SIPA1L1: variants seen among roughly 807,000 people sequenced by gnomAD.
SIPA1L1 encodes signal-induced proliferation-associated 1-like protein 1.
In SIPA1L1, 26 loss-of-function variants were observed where a neutral mutation model predicts 162.7. The ratio of observed to expected loss-of-function variants is 0.16; its 90% CI spans 0.12 to 0.22. The LOEUF is 0.22. SIPA1L1 is among the 10% of genes least tolerant of loss of function. SIPA1L1 has a pLI of 1.00. For missense variants in SIPA1L1, 1,874 were observed against 2,241.0 expected (o/e 0.84, Z 3.31); for synonymous variants, 829 against 837.4 (o/e 0.99, Z 0.17).
intron 2 of SIPA1L1, among the ~76,000 whole-genome samples, chr14:71,422,284 CTTTTA>C (rs1215282527): frequency 6.6e-6 from 1 of 152,100 alleles, no homozygotes; most frequent in Non-Finnish European, 1.5e-5. Flanking sequence ...GTTATTTTAA[CTTTTA>C]TTTGTTGTTG....
intron 22 of SIPA1L1, 199 bp downstream of exon 22, chr14:71,735,590 A>G: frequency 2.0e-6 from 1 of 506,252 alleles, no homozygotes; most frequent in Non-Finnish European, 3.5e-6. Flanking sequence ...GATGACTTAT[A>G]CGGCCATAAT....
At chr14:71,359,579 TTGAA>T (rs1243450060) in intron 2 of SIPA1L1, among the ~76,000 whole-genome samples, 2 of 152,320 alleles carry the variant, frequency 1.3e-5, no homozygotes, top group East Asian at 3.9e-4. Flanking sequence ...AATAAATGTG[TTGAA>T]TGAATGAACT....
chr14:71,331,388 A>G (rs1226429422), intron 2 of SIPA1L1, among the ~76,000 whole-genome samples: 2 of 152,258 alleles, frequency 1.3e-5, no homozygotes, highest in African/African-American at 4.8e-5. Flanking sequence ...AAACAATTCA[A>G]AGAATTTTTC....
chr14:71,718,216 C>G (rs1262726367), intron 17 of SIPA1L1, among the ~76,000 whole-genome samples: 1 of 152,118 alleles, frequency 6.6e-6, no homozygotes, highest in Non-Finnish European at 1.5e-5. Context: ...GCTCACAGGC[C>G]CACTGAATTA....
chr14:71,536,161 C>T (rs960826734), intron 4 of SIPA1L1, among the ~76,000 whole-genome samples: 1 of 150,146 alleles, frequency 6.7e-6, no homozygotes, highest in Admixed American at 6.6e-5. Context: ...CAAATCATTA[C>T]ACTACAAAGG....
At chr14:71,717,165 TG>T (rs2083332183) in intron 17 of SIPA1L1, among the ~76,000 whole-genome samples, 3 of 152,222 alleles carry the variant, frequency 2.0e-5, no homozygotes, top group African/African-American at 7.2e-5. Flanking sequence ...CCCAAAGTGC[TG>T]GGATTACAGG....
chr14:71,370,086 T>C (rs2038735235), intron 2 of SIPA1L1, among the ~76,000 whole-genome samples: 1 of 137,130 alleles, frequency 7.3e-6, no homozygotes, highest in African/African-American at 2.7e-5. Context: ...GTTTTCTAGA[T>C]AAACAATCAT....
intron 2 of SIPA1L1, among the ~76,000 whole-genome samples, chr14:71,504,520 T>TA (rs1356802292): frequency 6.6e-6 from 1 of 152,154 alleles, no homozygotes; most frequent in East Asian, 1.9e-4. Flanking sequence ...GACCAAAAGA[T>TA]ACCATATTTT....
At chr14:71,730,323 G>A in intron 20 of SIPA1L1, 22 bp downstream of exon 20, 1 of 1,611,902 alleles carries the variant, frequency 6.2e-7, no homozygotes, top group Non-Finnish European at 8.5e-7. Flanking sequence ...TTCAGCTGCA[G>A]CCTGGATGGC....
intron 12 of SIPA1L1, among the ~76,000 whole-genome samples, chr14:71,674,871 T>A (rs1371865311): frequency 1.3e-5 from 2 of 152,060 alleles, no homozygotes; most frequent in Non-Finnish European, 2.9e-5. Flanking sequence ...GCCGCATTCC[T>A]GTTTTAAAAG....
intron 10 of SIPA1L1, among the ~76,000 whole-genome samples, chr14:71,663,850 A>C (rs2043758221): frequency 6.6e-6 from 1 of 152,238 alleles, no homozygotes. Flanking sequence ...TTGAAGGCCC[A>C]ACACACAGCT....
At chr14:71,548,124 A>AT (rs2055418226) in intron 4 of SIPA1L1, among the ~76,000 whole-genome samples, 1 of 152,248 alleles carries the variant, frequency 6.6e-6, no homozygotes, top group Non-Finnish European at 1.5e-5. Flanking sequence ...TATGTGAGGC[A>AT]TTGTTTAGTG....
chr14:71,367,524 G>A (rs1218223718), intron 2 of SIPA1L1, among the ~76,000 whole-genome samples: 1 of 151,064 alleles, frequency 6.6e-6, no homozygotes, highest in Non-Finnish European at 1.5e-5. Context: ...TAGCCAGGAT[G>A]GTCTCGATCT....
intron 2 of SIPA1L1, among the ~76,000 whole-genome samples, chr14:71,494,887 C>T (rs533352002): frequency 5.9e-5 from 9 of 152,234 alleles, no homozygotes; most frequent in African/African-American, 2.2e-4. Flanking sequence ...GATCCACCTG[C>T]CTTGGCCTTC....
intron 5 of SIPA1L1, among the ~76,000 whole-genome samples, chr14:71,599,184 C>A (rs1051990658): frequency 5.8e-5 from 7 of 120,270 alleles, no homozygotes; most frequent in Admixed American, 4.1e-4. Flanking sequence ...GAGTTTTGCA[C>A]TTGTCTCCCA....
At position 71,700,990 on chromosome 14, in the gene SIPA1L1, G is replaced by A. The variant is rs139857094; in HGVS notation, c.3522-1391G>A. On this transcript the variant is annotated intron_variant, in intron 14 of 23. Transcript: ENST00000381232. Reference sequence around the variant, plus strand: ...AGCCTAGGGGACAGAGCAAGACTCCGTCTCAAAAAAAAAAAAAAAAAAAAA... The same window carrying A: ...AGCCTAGGGGACAGAGCAAGACTCCATCTCAAAAAAAAAAAAAAAAAAAAA... Among the ~76,000 whole-genome samples, 136 of 59,036 alleles carry A rather than the reference G, an allele frequency of 2.3e-3. 1 individual carries two copies. Among genetic ancestry groups the A allele is most frequent in the South Asian group, 5.0e-3 (7 of 1,412 alleles). 38.7% of individuals were successfully genotyped at this position (59,036 alleles called of 152,430 possible).
At chr14:71,504,702 G>C (rs1044524049) in intron 2 of SIPA1L1, among the ~76,000 whole-genome samples, 1 of 152,126 alleles carries the variant, frequency 6.6e-6, no homozygotes, top group East Asian at 1.9e-4. Flanking sequence ...TATAAGATGC[G>C]TACTGATTTC....
At chr14:71,705,388 C>A in intron 16 of SIPA1L1, 48 bp downstream of exon 16, 1 of 1,314,366 alleles carries the variant, frequency 7.6e-7, no homozygotes, top group Non-Finnish European at 1.1e-6. Context: ...TAGCAGTGTA[C>A]CTTCCTTGCA....
At chr14:71,521,134 CTTG>C (rs1172397291) in intron 3 of SIPA1L1, among the ~76,000 whole-genome samples, 1 of 152,110 alleles carries the variant, frequency 6.6e-6, no homozygotes, top group Admixed American at 6.6e-5. Context: ...TATGAACATC[CTTG>C]TTTATGTTGT....
Sources: gnomAD v4.1 joint callset for allele counts (sites outside exome capture counted in the v4.1 genomes callset) on GRCh38, gnomAD v4.1.1 for gene constraint, MANE v1.5 for transcripts, NCBI Gene and HGNC (gene_info 2026-07-23, HGNC 2026-07-21) for gene names.